The following NR4A1 variants were observed in gnomAD, a reference collection of about 807,000 sequenced individuals.
NR4A1 encodes the protein nuclear receptor subfamily 4immunitygroup A member 1.
In NR4A1, 24 loss-of-function variants were observed where a neutral mutation model predicts 47.5. The ratio of observed to expected loss-of-function variants is 0.50; its 90% CI spans 0.37 to 0.71. NR4A1 has a LOEUF of 0.71. NR4A1 is among the 30% of genes least tolerant of loss of function. The pLI is 0.00. For synonymous variants in NR4A1, 353 were observed against 345.7 expected, an observed-to-expected ratio of 1.02 and a Z score of -0.24; for missense variants, 669 against 788.6, an observed-to-expected ratio of 0.85 and a Z score of 1.82.
At chr12:52,034,710 T>A (rs569849125) in intron 1 of NR4A1, among the ~76,000 whole-genome samples, 66 of 152,354 alleles carry the variant, frequency 4.3e-4, no homozygotes, top group African/African-American at 1.5e-3. Flanking sequence ...AGACGTTTAC[T>A]GGACATTTGT....
chr12:52,028,477 G>C (rs1374837924), intron 1 of NR4A1, among the ~76,000 whole-genome samples: 6 of 151,498 alleles, frequency 4.0e-5, no homozygotes, highest in African/African-American at 1.2e-4. Flanking sequence ...GGGAGGCTGA[G>C]GCAGGAGACT....
intron 1 of NR4A1, among the ~76,000 whole-genome samples, chr12:52,028,583 A>G (rs1336321178): frequency 6.6e-6 from 1 of 151,652 alleles, no homozygotes; most frequent in Admixed American, 6.6e-5. Context: ...AAACAAAACA[A>G]AAAAACAAAA....
chr12:52,027,328 C>T (rs1938019363), intron 1 of NR4A1, among the ~76,000 whole-genome samples: 1 of 152,240 alleles, frequency 6.6e-6, no homozygotes, highest in East Asian at 1.9e-4. Flanking sequence ...GCCAGCAGCT[C>T]GGGTTACCCA....
intron 2 of NR4A1, among the ~76,000 whole-genome samples, chr12:52,042,250 T>C (rs1428867254): frequency 6.6e-6 from 1 of 151,938 alleles, no homozygotes; most frequent in Non-Finnish European, 1.5e-5. Context: ...AGGAAGCAGA[T>C]AGGGTAGAAT....
chr12:52,039,137 TAATC>T (rs781045125), intron 1 of NR4A1, among the ~76,000 whole-genome samples: 1 of 152,260 alleles, frequency 6.6e-6, no homozygotes. Context: ...TGCATAATAA[TAATC>T]CCTTCCTCAT....
intron 2 of NR4A1, chr12:52,041,983 G>A: frequency 7.8e-7 from 1 of 1,280,280 alleles, no homozygotes. Flanking sequence ...GGGGTTGGGG[G>A]GCAGAGGTGG....
intron 1 of NR4A1, among the ~76,000 whole-genome samples, chr12:52,026,960 G>C (rs576716234): frequency 1.4e-3 from 216 of 152,314 alleles, no homozygotes; most frequent in African/African-American, 5.0e-3. Context: ...AGGCTGCTTG[G>C]TGGCCTCAAC....
At chr12:52,052,019 G>C (rs997939872) in intron 1 of NR4A1, among the ~76,000 whole-genome samples, 1 of 152,134 alleles carries the variant, frequency 6.6e-6, no homozygotes. Context: ...CAGCCTGTCA[G>C]CTCCCTCCCA....
At chr12:52,053,672 G>T (rs1350531579) in intron 1 of NR4A1, 1 of 152,526 alleles carries the variant, frequency 6.6e-6, no homozygotes, top group African/African-American at 2.4e-5. Context: ...GTGGGTTTGG[G>T]ATCTGCTGCC....
rs1262244619 is a variant in NR4A1 at position 52,057,483 on chromosome 12, T to A, written c.1493T>A (p.Val498Asp). ...TCAAGGTCCCTGCACAGCTTGCTTG[T>A]CGATGTCCCTGCCTTCGCCTGCCTC... ...AFSRSLHSLL[V>D]DVPAFACLSA... is the part of the protein sequence containing the mutation. Residue 498 changes from valine (V) to aspartate (D), a missense_variant, in exon 6 of 7, where the codon GTC becomes GAC. Transcript: ENST00000394825. 6.2e-7 allele frequency: 1 copy of A among 1,614,196 alleles called. No individual in the cohort carries two copies. Among genetic ancestry groups the A allele is most frequent in the Admixed American group, 1.7e-5 (1 of 60,026 alleles).
chr12:52,042,765 G>A (rs894819170), intron 2 of NR4A1, among the ~76,000 whole-genome samples: 2 of 152,214 alleles, frequency 1.3e-5, no homozygotes, highest in Non-Finnish European at 2.9e-5. Context: ...GGCCTTTCCT[G>A]GGGACATGAG....
At chr12:52,052,952 G>A (rs1254962897) in intron 1 of NR4A1, among the ~76,000 whole-genome samples, 5 of 152,200 alleles carry the variant, frequency 3.3e-5, no homozygotes, top group Non-Finnish European at 7.3e-5. Context: ...CAGGCTAGGG[G>A]TGGAGGTGCC....
chr12:52,025,386 T>G (rs1937981455), intron 1 of NR4A1, among the ~76,000 whole-genome samples: 2 of 152,100 alleles, frequency 1.3e-5, no homozygotes, highest in Admixed American at 1.3e-4. Flanking sequence ...CTCAACCACA[T>G]GGGCCTCACT....
chr12:52,024,634 G>T (rs544478984), intron 1 of NR4A1, among the ~76,000 whole-genome samples: 1 of 152,192 alleles, frequency 6.6e-6, no homozygotes, highest in African/African-American at 2.4e-5. Context: ...GCAGTGAGCC[G>T]TGATTGTGCC....
At chr12:52,045,963 C>T (rs1275845999) in intron 2 of NR4A1, among the ~76,000 whole-genome samples, 1 of 152,186 alleles carries the variant, frequency 6.6e-6, no homozygotes, top group Non-Finnish European at 1.5e-5. Flanking sequence ...GAGGAAGTGG[C>T]CGGGTCAGGG....
intron 1 of NR4A1, chr12:52,037,850 G>A (rs965631000): frequency 5.1e-6 from 5 of 985,254 alleles, no homozygotes; most frequent in Admixed American, 6.2e-5. Context: ...TGGGGGTCTC[G>A]TGGAGTCAGG....
chr12:52,038,694 T>G (rs1225358130), intron 1 of NR4A1: 1 of 764,090 alleles, frequency 1.3e-6, no homozygotes, highest in Non-Finnish European at 2.4e-6. Context: ...CGTGTAGTCA[T>G]CCAGAGCTGT....
rs374225925 is a variant in NR4A1 at position 52,056,177 on chromosome 12, G to C, written c.1006+18G>C. ...GAAGGAAGGTGTGTGGCTGGGGTGCGGCCCAGCGGGGCAAGGGTAGGCTTG... is the reference window on the plus strand; with the variant it reads ...GAAGGAAGGTGTGTGGCTGGGGTGCCGCCCAGCGGGGCAAGGGTAGGCTTG... On this transcript the variant is annotated intron_variant, in intron 3 of 6. Transcript: ENST00000394825. The C allele has an allele frequency of 2.6e-5, 41 of 1,581,290 alleles. No homozygotes were observed. In the South Asian group the frequency reaches 4.0e-4, roughly 15 times the overall value.
Position 52,058,738 on chromosome 12 carries a change from A to G in NR4A1, c.1591A>G (p.Ile531Val), listed in dbSNP as rs1939405384. 6.2e-7 allele frequency: 1 copy of G among 1,611,506 alleles called. No homozygotes were observed. Among genetic ancestry groups the G allele is most frequent in the Non-Finnish European group, 8.5e-7 (1 of 1,179,326 alleles). The change falls in exon 7 of 7, where the codon ATC becomes GTC. Residue 531 changes from isoleucine to valine, a missense_variant. Ile to Val is a conservative substitution (Grantham distance 29). Coordinates refer to ENST00000394825, the MANE Select transcript of NR4A1 (RefSeq NM_173157.3). ...PRRVEELQNR[I>V]ASCLKEHVAA... Reference sequence around the variant, plus strand: ...GCGGGTGGAGGAGCTGCAGAACCGCATCGCCAGCTGCCTGAAGGAGCACGT... The same window carrying G: ...GCGGGTGGAGGAGCTGCAGAACCGCGTCGCCAGCTGCCTGAAGGAGCACGT...
Sources: allele counts gnomAD v4.1 joint callset (sites outside exome capture counted in the v4.1 genomes callset), GRCh38; gene constraint gnomAD v4.1.1; transcripts MANE v1.5; gene names NCBI Gene and HGNC (gene_info 2026-07-23, HGNC 2026-07-21).